COQ7: variants seen among roughly 807,000 people sequenced by gnomAD.
COQ7 encodes the protein NADPH-dependent 3-demethoxyubiquinone 3-hydroxylase, mitochondrial.
In COQ7, 21 loss-of-function variants were observed where a neutral mutation model predicts 25.0. The observed-to-expected ratio is 0.84, with a 90% CI of 0.60 to 1.21. COQ7 has a LOEUF of 1.21. COQ7 is among the 50% of genes most tolerant of loss of function. The pLI is 0.00. For synonymous variants in COQ7, 125 were observed against 112.4 expected (o/e 1.11, Z -0.71); for missense variants, 311 against 296.2 (o/e 1.05, Z -0.37).
At chr16:19,073,090 G>A (rs1285131564) in intron 2 of COQ7, among the ~76,000 whole-genome samples, 1 of 152,126 alleles carries the variant, frequency 6.6e-6, no homozygotes, top group Non-Finnish European at 1.5e-5. Flanking sequence ...TGGATCACCT[G>A]AGGTTAGGAG....
intron 5 of COQ7, among the ~76,000 whole-genome samples, chr16:19,077,808 G>C (rs1467045340): frequency 6.6e-6 from 1 of 151,922 alleles, no homozygotes; most frequent in Non-Finnish European, 1.5e-5. Context: ...TGGCCAGGCT[G>C]GTCTCGAACT....
At chr16:19,070,443 C>G (rs1234871558) in intron 1 of COQ7, among the ~76,000 whole-genome samples, 3 of 152,112 alleles carry the variant, frequency 2.0e-5, no homozygotes, top group African/African-American at 7.2e-5. Flanking sequence ...CAAAGTGATA[C>G]CAATGCTGGC....
At chr16:19,071,903 C>A (rs751258743) in intron 1 of COQ7, 25 bp from the exon 2 acceptor site, 2 of 1,613,212 alleles carry the variant, frequency 1.2e-6, no homozygotes, top group African/African-American at 2.7e-5. Context: ...CTGATCATAA[C>A]GAAGAATAAA....
chr16:19,071,881 T>A (rs369926834), intron 1 of COQ7, 47 bp from the exon 2 acceptor site: 79 of 1,606,612 alleles, frequency 4.9e-5, no homozygotes, highest in Non-Finnish European at 6.0e-5. Context: ...AAAAGGAACA[T>A]CTGGATTTTA....
rs60523088 is a variant in COQ7 at position 19,077,590 on chromosome 16, C to CTTTTTTTTTTTTTTTTTTTTTTTTTTTT, written c.576+230_576+231insTTTTTTTTTTTTTTTTTTTTTTTTTTTT. Among the ~76,000 whole-genome samples the CTTTTTTTTTTTTTTTTTTTTTTTTTTTT allele has an allele frequency of 3.5e-4, 26 of 74,402 alleles. 8 individuals are homozygous for CTTTTTTTTTTTTTTTTTTTTTTTTTTTT. The highest frequency in any genetic ancestry group is 2.0e-3 in the East Asian group (4 of 2,018). The allele number at this position is 74,402 out of a possible 152,430, so 48.8% of individuals were successfully genotyped here. A position where few individuals can be genotyped will look rare whatever the true frequency, so the allele number is the denominator to read the frequency against. On this transcript the variant is annotated intron_variant, in intron 5 of 5. Coordinates refer to ENST00000321998, the MANE Select transcript of COQ7 (RefSeq NM_016138.5). ...TATGCCTTCTCCTTTTCCCCAGAAG[C>CTTTTTTTTTTTTTTTTTTTTTTTTTTTT]TTTTTTTTTTTTTTCCCAGACACAG...
chr16:19,067,813 A>T, intron 1 of COQ7, 76 bp downstream of exon 1: 3 of 1,565,092 alleles, frequency 1.9e-6, no homozygotes, highest in Non-Finnish European at 2.6e-6. Context: ...TTTGGGTCGA[A>T]GAGGTCACGG....
At position 19,067,640 on chromosome 16, in the gene COQ7, G is replaced by C. The variant is rs112614779; in HGVS notation, c.-25G>C. ...CTATTGGCCAGTTCCGTTCAACGAA[G>C]TGGTTGCTTTTTTTAGTTCCGGCAA... On this transcript the variant is annotated 5_prime_UTR_variant, in exon 1 of 6. Coordinates refer to ENST00000321998, the MANE Select transcript of COQ7 (RefSeq NM_016138.5). 1.5e-5 allele frequency: 25 copies of C among 1,613,574 alleles called. No individual in the cohort carries two copies. The highest frequency in any genetic ancestry group is 8.0e-5 in the African/African-American group (6 of 75,030).
intron 1 of COQ7, chr16:19,068,729 G>A (rs570389240): frequency 1.3e-4 from 33 of 259,764 alleles, no homozygotes; most frequent in South Asian, 1.0e-3. Flanking sequence ...TACCACTTTC[G>A]GGATTTTTGC....
intron 2 of COQ7, among the ~76,000 whole-genome samples, chr16:19,073,620 A>G (rs914455455): frequency 6.6e-6 from 1 of 152,230 alleles, no homozygotes; most frequent in Non-Finnish European, 1.5e-5. Context: ...TTATGTGTGT[A>G]GACCCTTGTC....
Position 19,075,691 on chromosome 16 carries a change from A to T in COQ7, c.368-30A>T, listed in dbSNP as rs1373675632. 3.3e-6 allele frequency: 5 copies of T among 1,535,768 alleles called. No individual in the cohort carries two copies. In the African/African-American group the frequency reaches 6.9e-5, roughly 21 times the overall value. On this transcript the variant is annotated intron_variant, in intron 3 of 5. Transcript: ENST00000321998. ...CCATTACCGGTCATATCTGTCTCTT[A>T]CTTTTCTGGTCTGGGTTTAACAATC...
intron 1 of COQ7, among the ~76,000 whole-genome samples, chr16:19,070,100 T>A (rs1407836457): frequency 1.3e-5 from 2 of 152,116 alleles, no homozygotes; most frequent in Non-Finnish European, 2.9e-5. Context: ...GTCTCTTTAG[T>A]CAGATATGCT....
At chr16:19,071,567 G>A (rs191140016) in intron 1 of COQ7, among the ~76,000 whole-genome samples, 114 of 152,364 alleles carry the variant, frequency 7.5e-4, no homozygotes, top group Non-Finnish European at 1.2e-3. Flanking sequence ...AGAGCACGGT[G>A]TTTTTGAAAG....
rs184471591 is a variant in COQ7 at position 19,073,961 on chromosome 16, A to C, written c.293A>C (p.Asn98Thr). The change falls in exon 3 of 6, where the codon AAT becomes ACT. Residue 98 changes from asparagine to threonine, a missense_variant. Transcript: ENST00000321998. ...DQEKDHLKKF[N>T]ELMVTFRVRP... is the part of the protein sequence containing the mutation. ...GAAAAGGACCATTTGAAAAAGTTCAATGAGTTGATGGTTACGTTCAGGGTC... is the reference window on the plus strand; with the variant it reads ...GAAAAGGACCATTTGAAAAAGTTCACTGAGTTGATGGTTACGTTCAGGGTC... The C allele has an allele frequency of 3.2e-5, 51 of 1,613,748 alleles. No individual in the cohort carries two copies.
intron 1 of COQ7, among the ~76,000 whole-genome samples, chr16:19,070,375 G>A (rs1397285781): frequency 6.6e-6 from 1 of 152,194 alleles, no homozygotes; most frequent in Non-Finnish European, 1.5e-5. Context: ...GTTAGCCTAA[G>A]TGAAAAGAAG....
chr16:19,080,264 G>T (rs1403431664), downstream of COQ7, among the ~76,000 whole-genome samples: 2 of 152,158 alleles, frequency 1.3e-5, no homozygotes, highest in Non-Finnish European at 2.9e-5. Context: ...ATTTGACTCT[G>T]TCTTGAACAA....
Position 19,073,999 on chromosome 16 carries a change from C to G in COQ7, c.331C>G (p.Leu111Val), listed in dbSNP as rs1329743729. 1.2e-6 allele frequency: 2 copies of G among 1,613,460 alleles called. No homozygotes were observed. Among genetic ancestry groups the G allele is most frequent in the South Asian group, 1.1e-5 (1 of 91,010 alleles). Residue 111 changes from leucine (L) to valine (V), a missense_variant, in exon 3 of 6, where the codon CTG becomes GTG. Coordinates refer to ENST00000321998, the MANE Select transcript of COQ7 (RefSeq NM_016138.5). Reference protein sequence around the residue: ...MVTFRVRPTVLMPLWNVLGFA... With the variant: ...MVTFRVRPTVVMPLWNVLGFA... ...TACGTTCAGGGTCCGGCCAACAGTT[C>G]TGATGCCCTTGTGGAACGTGCTGGG... is the stretch of plus-strand genomic sequence containing the variant.
rs1360857132 is a variant in COQ7, at chr16:19,079,972, T to C, written c.*1814T>C. On this transcript the variant is annotated 3_prime_UTR_variant, in exon 6 of 6. Coordinates refer to ENST00000321998, the MANE Select transcript of COQ7 (RefSeq NM_016138.5). ...AAAGGTTTGAACAAGTTGTGGATGG[T>C]TTGTAAAAATTAATCTTACAAAATA... The C allele has an allele frequency of 6.6e-6, 1 of 152,228 alleles. No homozygotes were observed. The highest frequency in any genetic ancestry group is 1.5e-5 in the Non-Finnish European group (1 of 68,038). The allele number at this position is 152,228 out of a possible 1,614,324, so 9.4% of individuals were successfully genotyped here. A position where few individuals can be genotyped will look rare whatever the true frequency, so the allele number is the denominator to read the frequency against.
At chr16:19,074,694 G>A (rs150206081) in intron 3 of COQ7, among the ~76,000 whole-genome samples, 230 of 152,112 alleles carry the variant, frequency 1.5e-3, no homozygotes, top group African/African-American at 5.2e-3. Context: ...GACTACTGGC[G>A]CATGCCACCA....
chr16:19,077,456 A>T, intron 5 of COQ7, 82 bp downstream of exon 5: 15 of 1,205,206 alleles, frequency 1.2e-5, no homozygotes, highest in Non-Finnish European at 1.8e-5. Context: ...GTTGCCAGAA[A>T]AATACATTTT....
Sources: allele counts gnomAD v4.1 joint callset (sites outside exome capture counted in the v4.1 genomes callset), GRCh38; gene constraint gnomAD v4.1.1; transcripts MANE v1.5; gene names NCBI Gene and HGNC (gene_info 2026-07-23, HGNC 2026-07-21).